ANKS1B: variants seen among roughly 807,000 people sequenced by gnomAD.
The protein encoded by ANKS1B is ankyrin repeat and sterile alpha motif domain-containing protein 1B.
Under a neutral mutation model 148.3 loss-of-function variants are expected in ANKS1B, and 36 were observed. That is an observed-to-expected ratio of 0.24 (90% CI 0.19 to 0.32). The LOEUF is 0.32. ANKS1B is among the 10% of genes least tolerant of loss of function. The probability of loss-of-function intolerance (pLI) is 1.00; values close to 1 mark genes in which losing one functional copy is unlikely to be tolerated. For missense variants in ANKS1B, 1,157 were observed against 1,542.6 expected (o/e 0.75, Z 4.19); for synonymous variants, 542 against 560.8 (o/e 0.97, Z 0.47).
intron 9 of ANKS1B, among the ~76,000 whole-genome samples, chr12:99,606,603 C>T (rs945841760): frequency 6.6e-6 from 1 of 151,948 alleles, no homozygotes; most frequent in Non-Finnish European, 1.5e-5. Flanking sequence ...TATGAATAAT[C>T]ATATATGTTT....
chr12:99,098,609 C>T (rs1423243608), intron 15 of ANKS1B, among the ~76,000 whole-genome samples: 13 of 115,284 alleles, frequency 1.1e-4, no homozygotes, highest in South Asian at 2.9e-4. Context: ...AGCATGCCTG[C>T]TAGGAACTAC....
intron 1 of ANKS1B, among the ~76,000 whole-genome samples, chr12:99,845,817 C>G (rs1042537809): frequency 6.6e-6 from 1 of 152,002 alleles, no homozygotes; most frequent in Admixed American, 6.6e-5. Flanking sequence ...TTCTTTGTAT[C>G]TCTGGTAGAA....
chr12:99,341,621 T>C (rs1765857168), intron 12 of ANKS1B, among the ~76,000 whole-genome samples: 1 of 152,056 alleles, frequency 6.6e-6, no homozygotes, highest in Admixed American at 6.6e-5. Context: ...GAAATAAAGT[T>C]CTGTTTTGTT....
rs567582673 is a variant in ANKS1B, at chr12:98,980,231, C to T, written c.2778+72926G>A. On this transcript the variant is annotated intron_variant, in intron 17 of 26. Coordinates refer to ENST00000683438, the MANE Select transcript of ANKS1B (RefSeq NM_001352186.2). ...GTTTGTTTGTTTTGAGACGGAGTCT[C>T]GCTCTGTCCCCCAGGCTGGAGTGCA... is the stretch of plus-strand genomic sequence containing the variant. 7.2e-5 allele frequency among the ~76,000 whole-genome samples: 11 copies of T among 152,280 alleles called. No homozygotes were observed. In the East Asian group the frequency reaches 7.7e-4, roughly 11 times the overall value.
intron 9 of ANKS1B, among the ~76,000 whole-genome samples, chr12:99,548,833 A>G (rs561067415): frequency 2.3e-4 from 35 of 152,198 alleles, no homozygotes; most frequent in Non-Finnish European, 3.7e-4. Flanking sequence ...AGTCATTAGA[A>G]GTTGCGAAGA....
Position 98,872,380 on chromosome 12 carries a change from A to C in ANKS1B, c.2779-40244T>G, listed in dbSNP as rs544086803. Among the ~76,000 whole-genome samples the C allele has an allele frequency of 1.3e-4, 20 of 152,260 alleles. No homozygotes were observed. In the East Asian group the frequency reaches 3.9e-3, roughly 29 times the overall value. On this transcript the variant is annotated intron_variant, in intron 17 of 26. Coordinates refer to ENST00000683438, the MANE Select transcript of ANKS1B (RefSeq NM_001352186.2). ...ACAGTGAAACCCTGTCTCTACTAAA[A>C]ATACAAAAATTAGCTGGGCATGGTG...
At position 98,888,750 on chromosome 12, in the gene ANKS1B, C is replaced by T. The variant is rs571541817; in HGVS notation, c.2779-56614G>A. Among the ~76,000 whole-genome samples the T allele has an allele frequency of 7.4e-4, 112 of 152,280 alleles. 2 individuals are homozygous for T. The South Asian group carries it at 0.022, about 30-fold the overall frequency. ...GAGGGCCACCTTCTCAGGGATACCC[C>T]CAAATTTTCTAATTTCTCCCTCCAT... On this transcript the variant is annotated intron_variant, in intron 17 of 26. Coordinates refer to ENST00000683438, the MANE Select transcript of ANKS1B (RefSeq NM_001352186.2).
At chr12:99,375,624 T>C (rs536842256) in intron 12 of ANKS1B, among the ~76,000 whole-genome samples, 2 of 152,230 alleles carry the variant, frequency 1.3e-5, no homozygotes, top group East Asian at 3.9e-4. Context: ...TAATCAAATT[T>C]CCAACTGTGT....
intron 9 of ANKS1B, among the ~76,000 whole-genome samples, chr12:99,590,256 A>ACCCACC (rs1555503139): frequency 1.5e-5 from 2 of 131,676 alleles, no homozygotes; most frequent in African/African-American, 6.1e-5. Flanking sequence ...ACCCACACCC[A>ACCCACC]CCCACACACA....
intron 1 of ANKS1B, among the ~76,000 whole-genome samples, chr12:99,927,407 A>G (rs1226420884): frequency 6.6e-6 from 1 of 152,246 alleles, no homozygotes; most frequent in Admixed American, 6.5e-5. Context: ...AATGTTTTCT[A>G]AAATCTGTTT....
At chr12:99,912,524 A>G (rs1404605744) in intron 1 of ANKS1B, among the ~76,000 whole-genome samples, 1 of 151,680 alleles carries the variant, frequency 6.6e-6, no homozygotes, top group Non-Finnish European at 1.5e-5. Flanking sequence ...GCTAATTTTT[A>G]TATTTTTAGT....
rs190861509 is a variant in ANKS1B, at chr12:99,309,197, G to C, written c.1757-62333C>G. Among the ~76,000 whole-genome samples the C allele has an allele frequency of 1.5e-3, 234 of 151,796 alleles. 1 individual carries two copies. The highest frequency in any genetic ancestry group is 5.5e-3 in the African/African-American group (230 of 41,490). ...TTTCTTACCTCATTGCATTGGCCAG[G>C]TTGCCATTATATTTTAAATAAGAGC... On this transcript the variant is annotated intron_variant, in intron 12 of 26. Coordinates refer to ENST00000683438, the MANE Select transcript of ANKS1B (RefSeq NM_001352186.2).
At chr12:99,857,588 A>T in intron 1 of ANKS1B, among the ~76,000 whole-genome samples, 1 of 152,154 alleles carries the variant, frequency 6.6e-6, no homozygotes, top group Non-Finnish European at 1.5e-5. Context: ...AAGCAGGACT[A>T]AGCAAAAAGA....
rs192341699 is a variant in ANKS1B, at chr12:99,167,902, G to A, written c.2420-13507C>T. On this transcript the variant is annotated intron_variant, in intron 14 of 26. Transcript: ENST00000683438. ...TGGATAGTTCATACACACAAGACAT[G>A]GATGCATGTCAAAATCATTTTGCAC... is the stretch of plus-strand genomic sequence containing the variant. Among the ~76,000 whole-genome samples, 213 of 152,256 alleles carry A rather than the reference G, an allele frequency of 1.4e-3. 2 individuals carry two copies. Among genetic ancestry groups the A allele is most frequent in the African/African-American group, 5.0e-3 (207 of 41,550 alleles).
intron 9 of ANKS1B, among the ~76,000 whole-genome samples, chr12:99,538,027 T>G (rs924910053): frequency 6.6e-6 from 1 of 152,150 alleles, no homozygotes; most frequent in Non-Finnish European, 1.5e-5. Flanking sequence ...TTTTCCCCAG[T>G]GTATGTTCTT....
intron 17 of ANKS1B, among the ~76,000 whole-genome samples, chr12:98,841,975 G>A (rs187661605): frequency 1.3e-5 from 2 of 152,216 alleles, no homozygotes; most frequent in Non-Finnish European, 1.5e-5. Context: ...TTGCTGGTAG[G>A]ATTGTAAATG....
intron 17 of ANKS1B, among the ~76,000 whole-genome samples, chr12:98,972,359 A>C (rs1314740653): frequency 3.9e-5 from 6 of 152,192 alleles, no homozygotes; most frequent in African/African-American, 1.4e-4. Flanking sequence ...CTGGAGAATG[A>C]AGGATTTATC....
intron 17 of ANKS1B, among the ~76,000 whole-genome samples, chr12:98,920,006 T>C (rs1272465629): frequency 6.6e-6 from 1 of 152,192 alleles, no homozygotes; most frequent in Non-Finnish European, 1.5e-5. Context: ...AGGTCTACCA[T>C]AACAAAGTAC....
chr12:99,549,299 A>C (rs951717229), intron 9 of ANKS1B, among the ~76,000 whole-genome samples: 2 of 152,180 alleles, frequency 1.3e-5, no homozygotes, highest in Admixed American at 1.3e-4. Flanking sequence ...GAGATGGGTA[A>C]ATCTTTAATC....
Sources: gnomAD v4.1 joint callset for allele counts (sites outside exome capture counted in the v4.1 genomes callset) on GRCh38, gnomAD v4.1.1 for gene constraint, MANE v1.5 for transcripts, NCBI Gene and HGNC (gene_info 2026-07-23, HGNC 2026-07-21) for gene names.